RPSA2: variants seen among roughly 807,000 people sequenced by gnomAD.
RPSA2 encodes the protein small ribosomal subunit protein uS2B.
chr19:23,835,224 T>C, the RPSA2 span, among the ~76,000 whole-genome samples: 1 of 146,206 alleles, frequency 6.8e-6, no homozygotes, highest in Non-Finnish European at 1.5e-5. Context: ...TATATTTTTC[T>C]TTGAACATGT....
chr19:23,869,867 C>T, the RPSA2 span, among the ~76,000 whole-genome samples: 1 of 152,350 alleles, frequency 6.6e-6, no homozygotes, highest in African/African-American at 2.4e-5. Context: ...AAGAATATCA[C>T]CACTCAACTT....
the RPSA2 span, among the ~76,000 whole-genome samples, chr19:23,783,782 A>T: frequency 6.6e-6 from 1 of 152,050 alleles, no homozygotes; most frequent in African/African-American, 2.4e-5. Context: ...CATAGAGAAG[A>T]TTGTGACATA....
At chr19:23,823,402 C>T in the RPSA2 span, among the ~76,000 whole-genome samples, 2 of 152,098 alleles carry the variant, frequency 1.3e-5, no homozygotes, top group Non-Finnish European at 2.9e-5. Flanking sequence ...CTCCATAAGC[C>T]GTATGTGGAT....
the RPSA2 span, among the ~76,000 whole-genome samples, chr19:23,861,602 G>T: frequency 2.0e-5 from 3 of 152,038 alleles, no homozygotes; most frequent in African/African-American, 4.8e-5. Flanking sequence ...TTCTGCTTTA[G>T]TGTCTTGTTG....
the RPSA2 span, chr19:23,831,928 A>G: frequency 1.6e-5 from 5 of 311,892 alleles, no homozygotes; most frequent in African/African-American, 4.4e-5. Context: ...GCTTTCACAC[A>G]AAACCCAACA....
chr19:23,779,252 A>G, the RPSA2 span, among the ~76,000 whole-genome samples: 5 of 152,064 alleles, frequency 3.3e-5, no homozygotes, highest in Non-Finnish European at 5.9e-5. Context: ...CACCCGCCTC[A>G]GCCTCCCAAA....
the RPSA2 span, among the ~76,000 whole-genome samples, chr19:23,822,215 T>C: frequency 6.6e-6 from 1 of 152,212 alleles, no homozygotes; most frequent in Non-Finnish European, 1.5e-5. Context: ...ATTGCAGCTG[T>C]GCTTCTTAGT....
the RPSA2 span, among the ~76,000 whole-genome samples, chr19:23,841,780 G>A: frequency 3.9e-5 from 6 of 152,270 alleles, no homozygotes; most frequent in Admixed American, 2.0e-4. Context: ...ACTCAGTAGC[G>A]GCTGAGAGCT....
chr19:23,797,876 C>T, the RPSA2 span, among the ~76,000 whole-genome samples: 1 of 152,140 alleles, frequency 6.6e-6, no homozygotes, highest in Non-Finnish European at 1.5e-5. Flanking sequence ...GTTTAGAGAC[C>T]TAGCTGTTGT....
the RPSA2 span, among the ~76,000 whole-genome samples, chr19:23,834,127 G>A: frequency 6.6e-6 from 1 of 151,976 alleles, no homozygotes; most frequent in Non-Finnish European, 1.5e-5. Flanking sequence ...AGACACTACT[G>A]TAAATCAGAG....
At chr19:23,851,847 G>C in the RPSA2 span, among the ~76,000 whole-genome samples, 5 of 152,184 alleles carry the variant, frequency 3.3e-5, no homozygotes, top group African/African-American at 1.2e-4. Flanking sequence ...GAAAATGATT[G>C]TCAATAACGC....
At chr19:23,850,017 G>A in the RPSA2 span, among the ~76,000 whole-genome samples, 1 of 152,120 alleles carries the variant, frequency 6.6e-6, no homozygotes, top group African/African-American at 2.4e-5. Context: ...CCAGACTTGA[G>A]TTTGTAGATG....
chr19:23,861,591 G>A, the RPSA2 span, among the ~76,000 whole-genome samples: 30 of 152,062 alleles, frequency 2.0e-4, no homozygotes, highest in African/African-American at 4.3e-4. Context: ...GTCTACCAGC[G>A]TTCTGCTTTA....
At chr19:23,867,057 A>T in the RPSA2 span, among the ~76,000 whole-genome samples, 7 of 152,206 alleles carry the variant, frequency 4.6e-5, no homozygotes, top group Admixed American at 4.6e-4. Context: ...GAAAGGAGAA[A>T]TGAGGAAATA....
the RPSA2 span, among the ~76,000 whole-genome samples, chr19:23,843,904 C>T: frequency 2.6e-5 from 4 of 152,086 alleles, no homozygotes; most frequent in African/African-American, 4.8e-5. Flanking sequence ...GGATTACAGG[C>T]ATGCACCACC....
At chr19:23,763,574 T>C in the RPSA2 span, among the ~76,000 whole-genome samples, 1 of 152,170 alleles carries the variant, frequency 6.6e-6, no homozygotes, top group Non-Finnish European at 1.5e-5. Flanking sequence ...GCTCTGGTGA[T>C]TCTCGTGCCT....
the RPSA2 span, among the ~76,000 whole-genome samples, chr19:23,773,327 A>G: frequency 6.6e-6 from 1 of 150,970 alleles, no homozygotes; most frequent in Non-Finnish European, 1.5e-5. Flanking sequence ...ACTGTCACCC[A>G]GGCTGGAGTG....
the RPSA2 span, among the ~76,000 whole-genome samples, chr19:23,773,323 A>G: frequency 7.5e-5 from 11 of 145,824 alleles, no homozygotes; most frequent in African/African-American, 2.8e-4. Context: ...TCTCACTGTC[A>G]CCCAGGCTGG....
At chr19:23,802,549 T>G in the RPSA2 span, among the ~76,000 whole-genome samples, 1 of 152,212 alleles carries the variant, frequency 6.6e-6, no homozygotes, top group African/African-American at 2.4e-5. Flanking sequence ...TTAATTTTGC[T>G]TCTGTCTTAC....
Sources: allele counts gnomAD v4.1 joint callset (sites outside exome capture counted in the v4.1 genomes callset), GRCh38; gene constraint gnomAD v4.1.1; transcripts MANE v1.5; gene names NCBI Gene and HGNC (gene_info 2026-07-23, HGNC 2026-07-21).